MLIP: variants seen among roughly 807,000 people sequenced by gnomAD.
MLIP encodes muscular LMNA-interacting protein.
In MLIP, 79 loss-of-function variants were observed where a neutral mutation model predicts 84.8. That is an observed-to-expected ratio of 0.93 (90% confidence interval 0.78 to 1.12). The LOEUF is 1.12. MLIP is among the 50% of genes most tolerant of loss of function. MLIP has a pLI of 0.00. For missense variants in MLIP, 1,257 were observed against 1,160.6 expected (o/e 1.08, Z -1.21); for synonymous variants, 504 against 463.0 (o/e 1.09, Z -1.14).
chr6:54,207,147 TTTTAA>T (rs1299186531), intron 11 of MLIP, among the ~76,000 whole-genome samples: 1 of 152,036 alleles, frequency 6.6e-6, no homozygotes, highest in East Asian at 1.9e-4. Context: ...TGTTTTTTTT[TTTTAA>T]TTTAAGGACT....
At chr6:54,220,971 G>A (rs2754785) in intron 11 of MLIP, among the ~76,000 whole-genome samples, 151,100 of 152,314 alleles carry the variant, frequency 0.99, 74,959 homozygotes, top group Middle Eastern at 1. Context: ...ATAAAACTCT[G>A]TTCATGAGAA....
intron 5 of MLIP, among the ~76,000 whole-genome samples, chr6:54,157,255 C>T (rs79771710): frequency 1.2e-3 from 177 of 152,090 alleles, no homozygotes; most frequent in Admixed American, 2.6e-3. Flanking sequence ...TAGTAGAGGT[C>T]GCATGTGGTG....
intron 12 of MLIP, among the ~76,000 whole-genome samples, chr6:54,255,373 A>C: frequency 6.6e-6 from 1 of 152,208 alleles, no homozygotes; most frequent in Non-Finnish European, 1.5e-5. Flanking sequence ...TTGTTGTGAA[A>C]ACTAAATGAA....
chr6:54,215,302 A>G lies in MLIP; in HGVS notation c.2718+13069A>G, dbSNP rs543178918. The G allele has an allele frequency of 6.4e-6, 9 of 1,415,318 alleles. No individual in the cohort carries two copies. The African/African-American group carries it at 1.3e-4, about 21-fold the overall frequency. 87.7% of individuals were successfully genotyped at this position (1,415,318 alleles called of 1,614,324 possible). On this transcript the variant is annotated intron_variant, in intron 11 of 13. Transcript: ENST00000502396. ...ACGATGATAGAATTCAATGGCAAGA[A>G]CATGGGCTCTTGTGATTTTTGAAAA...
chr6:54,234,537 A>G (rs143244348), intron 12 of MLIP, among the ~76,000 whole-genome samples: 2 of 152,226 alleles, frequency 1.3e-5, no homozygotes, highest in Non-Finnish European at 2.9e-5. Flanking sequence ...TTCCTTGATG[A>G]TGCTGCAAAT....
intron 5 of MLIP, among the ~76,000 whole-genome samples, chr6:54,155,982 T>A (rs1363540646): frequency 6.6e-6 from 1 of 152,054 alleles, no homozygotes; most frequent in Non-Finnish European, 1.5e-5. Flanking sequence ...ATATTTTTAA[T>A]AACAATAATT....
chr6:54,249,922 T>A (rs1011996256), intron 12 of MLIP, among the ~76,000 whole-genome samples: 1 of 152,042 alleles, frequency 6.6e-6, no homozygotes, highest in African/African-American at 2.4e-5. Flanking sequence ...ATTCATTAGT[T>A]GTTTTTCCTG....
chr6:54,247,248 AACTG>A (rs1782143211), intron 12 of MLIP, among the ~76,000 whole-genome samples: 1 of 152,286 alleles, frequency 6.6e-6, no homozygotes, highest in Admixed American at 6.5e-5. Flanking sequence ...GGATGGCTGA[AACTG>A]ACTGACAGTG....
intron 13 of MLIP, among the ~76,000 whole-genome samples, chr6:54,260,036 T>C (rs1434248993): frequency 6.6e-6 from 1 of 151,970 alleles, no homozygotes; most frequent in Non-Finnish European, 1.5e-5. Flanking sequence ...GGAAAAGCCC[T>C]TGATGGTATC....
At chr6:54,142,451 G>A (rs1238356336) in intron 4 of MLIP, among the ~76,000 whole-genome samples, 4 of 152,168 alleles carry the variant, frequency 2.6e-5, no homozygotes, top group Non-Finnish European at 5.9e-5. Flanking sequence ...TAACATCCAA[G>A]GAGGTGATAC....
chr6:54,203,948 A>C (rs1247621945), intron 11 of MLIP: 2 of 152,232 alleles, frequency 1.3e-5, no homozygotes, highest in Non-Finnish European at 2.9e-5. Flanking sequence ...AGGATCCTTT[A>C]AACACTAAAA....
intron 12 of MLIP, among the ~76,000 whole-genome samples, chr6:54,240,152 A>T (rs1483246055): frequency 6.6e-6 from 1 of 152,232 alleles, no homozygotes. Flanking sequence ...AACGAAATAG[A>T]ATCACTATTA....
intron 1 of MLIP, among the ~76,000 whole-genome samples, chr6:54,081,346 TGAG>T (rs1202125793): frequency 5.3e-5 from 8 of 152,012 alleles, no homozygotes; most frequent in Admixed American, 1.3e-4. Context: ...TGCAAGAAAA[TGAG>T]GAGAAAAGCA....
chr6:54,078,627 G>T (rs1037719699), intron 1 of MLIP, among the ~76,000 whole-genome samples: 2 of 152,000 alleles, frequency 1.3e-5, no homozygotes, highest in Middle Eastern at 6.8e-3. Flanking sequence ...TAAAAATATA[G>T]GAGGCACAAT....
chr6:54,083,523 C>T, intron 1 of MLIP: 2 of 1,535,722 alleles, frequency 1.3e-6, no homozygotes, highest in Non-Finnish European at 1.7e-6. Context: ...TGACACTGAC[C>T]TTGCCGTTAC....
rs1449903977 is a variant in MLIP at position 54,230,897 on chromosome 6, A to C, written c.2902A>C (p.Ser968Arg). Reference protein sequence around the residue: ...DEQENSHTLLSHNACNKLSHP... With the variant: ...DEQENSHTLLRHNACNKLSHP... ...ACAGGAGAATTCTCACACCCTCCTC[A>C]GTCACAACGCATGCAACAAGGTGAG... Residue 968 changes from serine to arginine, a missense_variant, in exon 12 of 14, where the codon AGT becomes CGT. Physicochemically the swap from Ser to Arg is moderately radical, Grantham distance 110. Transcript: ENST00000502396. 8.1e-6 allele frequency: 13 copies of C among 1,613,854 alleles called. No individual in the cohort carries two copies. Among genetic ancestry groups the C allele is most frequent in the Non-Finnish European group, 1.1e-5 (13 of 1,179,948 alleles).
chr6:54,036,283 C>A (rs1404447359), intron 1 of MLIP, among the ~76,000 whole-genome samples: 4 of 147,240 alleles, frequency 2.7e-5, no homozygotes, highest in African/African-American at 7.5e-5. Flanking sequence ...TCATAAGCAA[C>A]TTCAGCAAAG....
intron 1 of MLIP, among the ~76,000 whole-genome samples, chr6:54,097,421 A>T (rs999553019): frequency 6.6e-6 from 1 of 152,202 alleles, no homozygotes; most frequent in Non-Finnish European, 1.5e-5. Context: ...AGCCATACGT[A>T]CTAGTAAAGG....
Position 54,255,311 on chromosome 6 carries a change from T to C in MLIP, c.2923-1997T>C, listed in dbSNP as rs147217515. Among the ~76,000 whole-genome samples the C allele has an allele frequency of 8.9e-4, 136 of 152,322 alleles. 1 individual carries two copies. The highest frequency in any genetic ancestry group is 3.0e-3 in the African/African-American group (123 of 41,576). ...AACAAGTTATTCTACCTCTCAGTGC[T>C]TTAGTTTCCTCATCTGTGAAACAGA... On this transcript the variant is annotated intron_variant, in intron 12 of 13. Coordinates refer to ENST00000502396, the MANE Select transcript of MLIP (RefSeq NM_001281747.2).
Sources: allele counts gnomAD v4.1 joint callset (sites outside exome capture counted in the v4.1 genomes callset), GRCh38; gene constraint gnomAD v4.1.1; transcripts MANE v1.5; gene names NCBI Gene and HGNC (gene_info 2026-07-23, HGNC 2026-07-21).